The following HSD17B12 variants were observed in gnomAD, a reference collection of about 807,000 sequenced individuals.
HSD17B12 encodes very-long-chain 3-oxoacyl-CoA reductase.
In HSD17B12, 32 loss-of-function variants were observed where a neutral mutation model predicts 39.3. The ratio of observed to expected loss-of-function variants is 0.81; its 90% CI spans 0.61 to 1.09. The LOEUF (loss-of-function observed/expected upper bound fraction) is 1.09, where lower values mean the gene tolerates loss of function less well. Ranked by LOEUF, HSD17B12 falls within the 50% of genes least tolerant of loss-of-function variation. HSD17B12 has a pLI of 0.00. For synonymous variants in HSD17B12, 150 were observed against 146.7 expected, an observed-to-expected ratio of 1.02 and a Z score of -0.16; for missense variants, 342 against 382.9, an observed-to-expected ratio of 0.89 and a Z score of 0.89.
At chr11:43,644,025 C>A in the HSD17B12 span, among the ~76,000 whole-genome samples, 3 of 152,282 alleles carry the variant, frequency 2.0e-5, no homozygotes, top group Non-Finnish European at 4.4e-5. Flanking sequence ...TAAGGGAAGG[C>A]GGCTAGATAG....
At chr11:43,586,346 T>C in the HSD17B12 span, among the ~76,000 whole-genome samples, 1 of 152,234 alleles carries the variant, frequency 6.6e-6, no homozygotes, top group South Asian at 2.1e-4. Context: ...TACCTTGGTC[T>C]GCAGAGGAAG....
At chr11:43,681,595 A>G (rs1174191021) in intron 1 of HSD17B12, among the ~76,000 whole-genome samples, 2 of 152,282 alleles carry the variant, frequency 1.3e-5, no homozygotes, top group Admixed American at 6.5e-5. Flanking sequence ...AATTCTCGCT[A>G]AACTGTTCTG....
the HSD17B12 span, among the ~76,000 whole-genome samples, chr11:43,674,122 T>C: frequency 6.6e-6 from 1 of 152,234 alleles, no homozygotes; most frequent in East Asian, 1.9e-4. Flanking sequence ...CAGATTTACC[T>C]GACACTAAAG....
At chr11:43,572,017 G>A in the HSD17B12 span, among the ~76,000 whole-genome samples, 1 of 152,182 alleles carries the variant, frequency 6.6e-6, no homozygotes, top group Non-Finnish European at 1.5e-5. Context: ...GGAGGACTAG[G>A]ATGACTAGCT....
chr11:43,731,889 C>T (rs143185685), intron 1 of HSD17B12, among the ~76,000 whole-genome samples: 94 of 152,184 alleles, frequency 6.2e-4, no homozygotes, highest in African/African-American at 1.8e-3. Context: ...AGCATGATCT[C>T]GGGGTGGAGT....
chr11:43,711,761 C>T (rs569543286), intron 1 of HSD17B12, among the ~76,000 whole-genome samples: 1 of 152,160 alleles, frequency 6.6e-6, no homozygotes, highest in South Asian at 2.1e-4. Context: ...AGGCATGAGC[C>T]ACCACACCCG....
chr11:43,564,205 C>T, the HSD17B12 span, among the ~76,000 whole-genome samples: 1 of 152,154 alleles, frequency 6.6e-6, no homozygotes, highest in Non-Finnish European at 1.5e-5. Context: ...GGTCCTAGAA[C>T]TATAGGACTT....
upstream of HSD17B12, among the ~76,000 whole-genome samples, chr11:43,677,243 G>C (rs1023710999): frequency 6.6e-6 from 1 of 151,986 alleles, no homozygotes; most frequent in South Asian, 2.1e-4. Flanking sequence ...TTAGCTGCAA[G>C]GTATGTTGAA....
At chr11:43,642,776 T>C in the HSD17B12 span, among the ~76,000 whole-genome samples, 1 of 151,936 alleles carries the variant, frequency 6.6e-6, no homozygotes, top group Non-Finnish European at 1.5e-5. Context: ...TATGAATATA[T>C]AATTTTTTAT....
At chr11:43,763,432 C>T (rs891001601) in intron 3 of HSD17B12, among the ~76,000 whole-genome samples, 1 of 151,992 alleles carries the variant, frequency 6.6e-6, no homozygotes, top group Non-Finnish European at 1.5e-5. Context: ...GGAACCTTTA[C>T]TAGCCAGGCT....
intron 1 of HSD17B12, among the ~76,000 whole-genome samples, chr11:43,716,651 C>T (rs912221102): frequency 2.0e-5 from 3 of 150,804 alleles, no homozygotes; most frequent in African/African-American, 7.3e-5. Flanking sequence ...AATTAACAAT[C>T]TAGTTGGGAC....
At chr11:43,676,561 T>C (rs1202876718), upstream of HSD17B12, among the ~76,000 whole-genome samples, 1 of 152,154 alleles carries the variant, frequency 6.6e-6, no homozygotes, top group East Asian at 1.9e-4. Flanking sequence ...CCCTGTTGAA[T>C]GGTAGAGTAG....
intron 3 of HSD17B12, among the ~76,000 whole-genome samples, chr11:43,762,915 C>T (rs1950566054): frequency 6.6e-6 from 1 of 152,176 alleles, no homozygotes; most frequent in Non-Finnish European, 1.5e-5. Flanking sequence ...CTTGCCTACA[C>T]ATAATTGACC....
intron 3 of HSD17B12, among the ~76,000 whole-genome samples, chr11:43,788,884 C>G (rs1950841843): frequency 6.6e-6 from 1 of 152,128 alleles, no homozygotes; most frequent in African/African-American, 2.4e-5. Context: ...CTATTGCCAT[C>G]TTGAAATTCT....
chr11:43,800,803 TCATTCATC>T (rs960368365), intron 4 of HSD17B12, among the ~76,000 whole-genome samples: 1 of 152,088 alleles, frequency 6.6e-6, no homozygotes, highest in African/African-American at 2.4e-5. Flanking sequence ...ATTCATTCAT[TCATTCATC>T]AATCAGTGAA....
intron 3 of HSD17B12, among the ~76,000 whole-genome samples, chr11:43,793,315 G>A (rs1241930193): frequency 6.6e-6 from 1 of 152,182 alleles, no homozygotes; most frequent in Non-Finnish European, 1.5e-5. Flanking sequence ...ACTTACAGGG[G>A]AAGGCAGGCT....
At chr11:43,724,315 T>TA (rs986260894) in intron 1 of HSD17B12, among the ~76,000 whole-genome samples, 5 of 151,146 alleles carry the variant, frequency 3.3e-5, no homozygotes, top group Admixed American at 6.6e-5. Flanking sequence ...ATATTTTGCA[T>TA]AAAAAAAATA....
chr11:43,675,528 T>G, the HSD17B12 span, among the ~76,000 whole-genome samples: 1 of 151,830 alleles, frequency 6.6e-6, no homozygotes, highest in African/African-American at 2.4e-5. Flanking sequence ...GCAGACAAAC[T>G]CAACTTGGAG....
intron 9 of HSD17B12, among the ~76,000 whole-genome samples, chr11:43,843,232 A>G (rs1951443369): frequency 6.6e-6 from 1 of 152,206 alleles, no homozygotes; most frequent in Admixed American, 6.5e-5. Flanking sequence ...AGTAGAATAG[A>G]AAGAGAACCT....
Sources: allele counts gnomAD v4.1 joint callset (sites outside exome capture counted in the v4.1 genomes callset), GRCh38; gene constraint gnomAD v4.1.1; transcripts MANE v1.5; gene names NCBI Gene and HGNC (gene_info 2026-07-23, HGNC 2026-07-21).